The following EFL1 variants were observed in gnomAD, a reference collection of about 807,000 sequenced individuals.
EFL1 encodes elongation factor like GTPase 1.
EFL1 carries 76 observed loss-of-function variants against 126.7 expected under a neutral mutation model. That is an observed-to-expected ratio of 0.60 (90% CI 0.50 to 0.73). The LOEUF is 0.73. Among genes scored for constraint, EFL1 ranks in the 30% least tolerant of loss-of-function variants. The pLI is 0.00. For missense variants in EFL1, 1,128 were observed against 1,343.2 expected (o/e 0.84, Z 2.50); for synonymous variants, 410 against 448.4 (o/e 0.91, Z 1.08).
At chr15:82,188,376 T>C (rs1567056275) in intron 15 of EFL1, among the ~76,000 whole-genome samples, 1 of 152,148 alleles carries the variant, frequency 6.6e-6, no homozygotes, top group Non-Finnish European at 1.5e-5. Context: ...AGTTTTTTTG[T>C]TATGTTTTGT....
At chr15:82,189,469 G>C (rs2074336065) in intron 15 of EFL1, among the ~76,000 whole-genome samples, 1 of 152,202 alleles carries the variant, frequency 6.6e-6, no homozygotes, top group Non-Finnish European at 1.5e-5. Flanking sequence ...GCCAAGAAGA[G>C]ATGCTTGATG....
chr15:82,160,295 T>C (rs1436167567), intron 16 of EFL1, among the ~76,000 whole-genome samples: 1 of 152,180 alleles, frequency 6.6e-6, no homozygotes, highest in Non-Finnish European at 1.5e-5. Flanking sequence ...AGTTAAACCT[T>C]CAGATGGCTA....
intron 15 of EFL1, among the ~76,000 whole-genome samples, chr15:82,203,667 C>T (rs2074494802): frequency 6.6e-6 from 1 of 152,178 alleles, no homozygotes; most frequent in African/African-American, 2.4e-5. Context: ...CGTGAGCCAC[C>T]GCGCCTGGCC....
chr15:82,144,279 G>A (rs1353213457), intron 18 of EFL1, among the ~76,000 whole-genome samples: 1 of 151,384 alleles, frequency 6.6e-6, no homozygotes, highest in East Asian at 1.9e-4. Flanking sequence ...AAAAAGGAAG[G>A]TCATGCTGAA....
chr15:82,239,983 G>A (rs1256366447), intron 6 of EFL1, among the ~76,000 whole-genome samples: 4 of 152,134 alleles, frequency 2.6e-5, no homozygotes, highest in African/African-American at 9.7e-5. Context: ...TAGGGATTCT[G>A]ACCTGTTCAT....
At chr15:82,181,694 C>T (rs1431820877) in intron 15 of EFL1, among the ~76,000 whole-genome samples, 1 of 151,658 alleles carries the variant, frequency 6.6e-6, no homozygotes, top group Admixed American at 6.6e-5. Context: ...TCCTGCATAA[C>T]AAGTTCTCTG....
At chr15:82,225,638 A>T (rs2074755401) in intron 11 of EFL1, among the ~76,000 whole-genome samples, 2 of 152,274 alleles carry the variant, frequency 1.3e-5, no homozygotes, top group Admixed American at 1.3e-4. Context: ...AAAGGCCAAC[A>T]ATCAACAAGG....
At chr15:82,149,181 G>A (rs2073881677) in intron 18 of EFL1, among the ~76,000 whole-genome samples, 1 of 151,808 alleles carries the variant, frequency 6.6e-6, no homozygotes, top group Admixed American at 6.6e-5. Context: ...TTTTTCTCCT[G>A]TTTACTGTTG....
intron 15 of EFL1, among the ~76,000 whole-genome samples, chr15:82,209,119 C>T (rs1045973004): frequency 2.0e-5 from 3 of 151,976 alleles, no homozygotes; most frequent in African/African-American, 7.2e-5. Flanking sequence ...AATGGAAATG[C>T]TGATAATAAA....
intron 4 of EFL1, 87 bp from the exon 5 acceptor site, chr15:82,241,490 G>C: frequency 2.7e-6 from 4 of 1,461,940 alleles, no homozygotes; most frequent in Non-Finnish European, 3.6e-6. Context: ...AAAGCTGAAA[G>C]CTTCTAAGAA....
chr15:82,214,058 C>A (rs2074617112), intron 15 of EFL1, among the ~76,000 whole-genome samples: 1 of 152,116 alleles, frequency 6.6e-6, no homozygotes, highest in African/African-American at 2.4e-5. Flanking sequence ...CAATAAATAG[C>A]TCTATAGCTG....
At chr15:82,252,555 A>C in intron 4 of EFL1, 136 bp downstream of exon 4, 1 of 705,296 alleles carries the variant, frequency 1.4e-6, no homozygotes. Flanking sequence ...GACTCTGACA[A>C]CAGATCATGT....
chr15:82,213,034 T>C (rs1365640670), intron 15 of EFL1, among the ~76,000 whole-genome samples: 1 of 152,234 alleles, frequency 6.6e-6, no homozygotes, highest in Non-Finnish European at 1.5e-5. Flanking sequence ...AGAAGAGTCA[T>C]GACACCAGCC....
Position 82,258,099 on chromosome 15 carries a change from G to A in EFL1, c.159+989C>T, listed in dbSNP as rs55770061. ...CCTGTGGATTCAATTTTGCTTCTCC[G>A]TCTCCTCTTCTCTCTATTCTCTGTC... On this transcript the variant is annotated intron_variant, in intron 3 of 19. Transcript: ENST00000268206. 6.9e-3 allele frequency among the ~76,000 whole-genome samples: 1,053 copies of A among 152,084 alleles called. 10 individuals are homozygous for A. Among genetic ancestry groups the A allele is most frequent in the Non-Finnish European group, 8.2e-3 (556 of 68,002 alleles).
chr15:82,145,330 G>A (rs2073833137), intron 18 of EFL1, among the ~76,000 whole-genome samples: 1 of 149,912 alleles, frequency 6.7e-6, no homozygotes, highest in African/African-American at 2.5e-5. Flanking sequence ...AAGTAAACAG[G>A]GACACTTATA....
At chr15:82,235,228 TC>T (rs2074860938) in intron 7 of EFL1, among the ~76,000 whole-genome samples, 1 of 152,184 alleles carries the variant, frequency 6.6e-6, no homozygotes, top group Admixed American at 6.5e-5. Context: ...AATATCTGTT[TC>T]AAAGGAGTGT....
At chr15:82,190,102 C>G (rs1178891124) in intron 15 of EFL1, among the ~76,000 whole-genome samples, 1 of 144,932 alleles carries the variant, frequency 6.9e-6, no homozygotes, top group Admixed American at 7.0e-5. Flanking sequence ...CAGAGTGAGA[C>G]TCTGTCTTAA....
In EFL1 at chr15:82,152,246, A is replaced by G. The variant is rs756898952; in HGVS notation, c.2208T>C (p.Ser736=). The G allele has an allele frequency of 6.2e-7, 1 of 1,614,248 alleles. No homozygotes were observed. The highest frequency in any genetic ancestry group is 8.5e-7 in the Non-Finnish European group (1 of 1,180,042). ...SKIPEGIQVD[S]DGLITITTPN... is the part of the protein sequence containing the mutation. Reference sequence around the variant, plus strand: ...GAGTTGTTATGGTGATTAGCCCGTCAGAGTCAACTTGGATTCCTTCAGGGA... The same window carrying G: ...GAGTTGTTATGGTGATTAGCCCGTCGGAGTCAACTTGGATTCCTTCAGGGA... Residue 736 remains serine, a synonymous_variant, in exon 18 of 20, where the codon TCT becomes TCC. Coordinates refer to ENST00000268206, the MANE Select transcript of EFL1 (RefSeq NM_024580.6).
chr15:82,183,271 A>G (rs899843814), intron 15 of EFL1, among the ~76,000 whole-genome samples: 1 of 152,268 alleles, frequency 6.6e-6, no homozygotes, highest in Non-Finnish European at 1.5e-5. Flanking sequence ...GAGTAACTCA[A>G]ACAAAGCATT....
Sources: gnomAD v4.1 joint callset for allele counts (sites outside exome capture counted in the v4.1 genomes callset) on GRCh38, gnomAD v4.1.1 for gene constraint, MANE v1.5 for transcripts, NCBI Gene and HGNC (gene_info 2026-07-23, HGNC 2026-07-21) for gene names.